Variants in CNTN6 observed in about 807,000 individuals in gnomAD.
CNTN6 encodes the protein contactin-6.
Under a neutral mutation model 122.8 loss-of-function variants are expected in CNTN6, and 137 were observed. That is an observed-to-expected ratio of 1.12 (90% CI 0.97 to 1.29). CNTN6 has a LOEUF of 1.29. Ranked by LOEUF, CNTN6 falls within the 50% of genes most tolerant of loss-of-function variation. The probability of loss-of-function intolerance (pLI) is 0.00; values close to 1 mark genes in which losing one functional copy is unlikely to be tolerated. For synonymous variants in CNTN6, 570 were observed against 426.0 expected, an observed-to-expected ratio of 1.34 and a Z score of -4.16; for missense variants, 1,634 against 1,223.4, an observed-to-expected ratio of 1.34 and a Z score of -5.01.
intron 4 of CNTN6, among the ~76,000 whole-genome samples, chr3:1,275,018 C>A (rs531970712): frequency 1.3e-5 from 2 of 152,192 alleles, no homozygotes; most frequent in African/African-American, 4.8e-5. Flanking sequence ...ACTTTCTCAT[C>A]TAACCCAGCA....
chr3:1,229,865 G>A (rs1181040664), intron 4 of CNTN6, among the ~76,000 whole-genome samples: 1 of 152,116 alleles, frequency 6.6e-6, no homozygotes, highest in Non-Finnish European at 1.5e-5. Flanking sequence ...TACCTTTAAT[G>A]CAGAAAGTAA....
rs533085966 is a variant in CNTN6 at position 1,100,751 on chromosome 3, A to G, written c.-83+7631A>G. On this transcript the variant is annotated intron_variant, in intron 1 of 22. Coordinates refer to ENST00000446702, the MANE Select transcript of CNTN6 (RefSeq NM_001289080.2). ...TTTTTAAAAAACAGTTTTAATTTCT[A>G]TAATTTATATTGCTCTTTTAAAAAT... Among the ~76,000 whole-genome samples, 3 of 152,180 alleles carry G rather than the reference A, an allele frequency of 2.0e-5. No individual in the cohort carries two copies. The South Asian group carries it at 6.2e-4, about 32-fold the overall frequency.
At chr3:1,221,035 C>G (rs1228721040) in intron 3 of CNTN6, among the ~76,000 whole-genome samples, 1 of 152,136 alleles carries the variant, frequency 6.6e-6, no homozygotes, top group Non-Finnish European at 1.5e-5. Flanking sequence ...TAATTAACCC[C>G]CTACCCACCA....
At chr3:1,285,730 G>A (rs781479978) in intron 5 of CNTN6, among the ~76,000 whole-genome samples, 6 of 152,088 alleles carry the variant, frequency 3.9e-5, no homozygotes, top group Non-Finnish European at 7.4e-5. Context: ...TCTGGAATTC[G>A]AAAGATCCTG....
chr3:1,143,762 C>G (rs970870967), intron 1 of CNTN6, among the ~76,000 whole-genome samples: 2 of 152,174 alleles, frequency 1.3e-5, no homozygotes, highest in Non-Finnish European at 2.9e-5. Context: ...AAACATCTTT[C>G]GGGCTTTGGC....
intron 4 of CNTN6, among the ~76,000 whole-genome samples, chr3:1,258,693 T>C (rs3755634): frequency 0.27 from 40,602 of 151,978 alleles, 6,279 homozygotes; most frequent in African/African-American, 0.43. Flanking sequence ...TTTTTAATAT[T>C]CTTGGGGTCC....
At chr3:1,377,127 A>T in intron 17 of CNTN6, 52 bp downstream of exon 17, 1 of 1,259,258 alleles carries the variant, frequency 7.9e-7, no homozygotes. Flanking sequence ...TTAACTGGCC[A>T]GAAAGAAACT....
chr3:1,212,980 A>C (rs894914422), intron 2 of CNTN6, among the ~76,000 whole-genome samples: 2 of 152,232 alleles, frequency 1.3e-5, no homozygotes, highest in South Asian at 2.1e-4. Flanking sequence ...TAATTCAACA[A>C]GACCTAACTT....
intron 7 of CNTN6, among the ~76,000 whole-genome samples, chr3:1,312,263 C>T (rs1699452350): frequency 6.6e-6 from 1 of 151,532 alleles, no homozygotes; most frequent in Non-Finnish European, 1.5e-5. Context: ...TGGATTGTTA[C>T]AGTGCTGTTT....
chr3:1,108,239 G>C (rs7614579), intron 1 of CNTN6, among the ~76,000 whole-genome samples: 9,756 of 152,004 alleles, frequency 0.064, 412 homozygotes, highest in Non-Finnish European at 0.089. Context: ...CAAAATGCTT[G>C]AGACCAAAAA....
intron 17 of CNTN6, among the ~76,000 whole-genome samples, chr3:1,382,242 G>GTGAT: frequency 6.6e-6 from 1 of 152,228 alleles, no homozygotes; most frequent in East Asian, 1.9e-4. Context: ...CTAAGTTTAT[G>GTGAT]TGATTGTTTA....
rs141865284 is a variant in CNTN6, at chr3:1,163,384, A to G, written c.55+15321A>G. 6.6e-3 allele frequency among the ~76,000 whole-genome samples: 1,006 copies of G among 152,280 alleles called. 10 individuals carry two copies. The highest frequency in any genetic ancestry group is 0.017 in the Middle Eastern group (5 of 294). On this transcript the variant is annotated intron_variant, in intron 2 of 22. Coordinates refer to ENST00000446702, the MANE Select transcript of CNTN6 (RefSeq NM_001289080.2). ...TGTTATATTTGAATGCCACTATTCTATGGCTAAGGTTGTGCTATGCCCTCA... is the reference window on the plus strand; with the variant it reads ...TGTTATATTTGAATGCCACTATTCTGTGGCTAAGGTTGTGCTATGCCCTCA...
intron 4 of CNTN6, among the ~76,000 whole-genome samples, chr3:1,239,464 C>G (rs1352681658): frequency 6.6e-6 from 1 of 152,082 alleles, no homozygotes; most frequent in African/African-American, 2.4e-5. Context: ...TATATCTAAT[C>G]AAGGATGTGA....
chr3:1,402,374 A>C lies in CNTN6; in HGVS notation c.2874A>C (p.Thr958=), dbSNP rs1237844279. ...CTCATATTTTGGAAACAAACAATAC[A>C]TCAGCTGAGCTTCTGGTTCCATTTG... ...SKTHILETNN[T]SAELLVPFEE... is the part of the protein sequence containing the mutation. The change falls in exon 22 of 23, where the codon ACA becomes ACC. Residue 958 remains threonine, a synonymous_variant. Coordinates refer to ENST00000446702, the MANE Select transcript of CNTN6 (RefSeq NM_001289080.2). 1 of 1,612,548 alleles carries C rather than the reference A, an allele frequency of 6.2e-7. No homozygotes were observed. Among genetic ancestry groups the C allele is most frequent in the South Asian group, 1.1e-5 (1 of 90,992 alleles).
intron 4 of CNTN6, among the ~76,000 whole-genome samples, chr3:1,260,601 T>C (rs2094829419): frequency 6.6e-6 from 1 of 152,076 alleles, no homozygotes; most frequent in African/African-American, 2.4e-5. Flanking sequence ...ATGGTTTGGC[T>C]GTGTCCCTGC....
intron 2 of CNTN6, among the ~76,000 whole-genome samples, chr3:1,157,463 C>T (rs7648252): frequency 0.19 from 28,624 of 151,710 alleles, 3,447 homozygotes; most frequent in African/African-American, 0.33. Context: ...GTGATCTGCC[C>T]GCCTTGGTCT....
chr3:1,268,985 G>A (rs918165474), intron 4 of CNTN6, among the ~76,000 whole-genome samples: 1 of 151,894 alleles, frequency 6.6e-6, no homozygotes, highest in African/African-American at 2.4e-5. Flanking sequence ...TGTCTCAAAA[G>A]TTATAAAATA....
intron 20 of CNTN6, among the ~76,000 whole-genome samples, chr3:1,399,575 C>T (rs534528237): frequency 1.2e-4 from 19 of 152,094 alleles, no homozygotes; most frequent in Admixed American, 8.5e-4. Flanking sequence ...AGTCTGACCA[C>T]GGCAATTGGT....
intron 3 of CNTN6, among the ~76,000 whole-genome samples, chr3:1,222,816 G>C (rs951960450): frequency 6.6e-6 from 1 of 151,856 alleles, no homozygotes; most frequent in African/African-American, 2.4e-5. Context: ...CACTAACCCT[G>C]GTGCTTATTA....
Sources: gnomAD v4.1 joint callset for allele counts (sites outside exome capture counted in the v4.1 genomes callset) on GRCh38, gnomAD v4.1.1 for gene constraint, MANE v1.5 for transcripts, NCBI Gene and HGNC (gene_info 2026-07-23, HGNC 2026-07-21) for gene names.